Variants in PCDH19 observed in about 807,000 individuals in gnomAD.
PCDH19 encodes protocadherin 19.
A neutral mutation model predicts 46.2 loss-of-function variants in PCDH19; 6 were observed. The observed-to-expected ratio is 0.13, with a 90% CI of 0.07 to 0.26. The LOEUF (loss-of-function observed/expected upper bound fraction) is 0.26. Ranked by LOEUF, PCDH19 falls within the 10% of genes least tolerant of loss-of-function variation. The pLI, the probability that PCDH19 is intolerant of heterozygous loss-of-function variation, is 1.00. For missense variants in PCDH19, 740 were observed against 972.3 expected (o/e 0.76, Z 3.18); for synonymous variants, 481 against 415.7 (o/e 1.16, Z -1.91).
intron 3 of PCDH19, among the ~76,000 whole-genome samples, chrX:100,399,979 C>T (rs900746915): frequency 1.1e-4 from 10 of 94,192 alleles, no homozygotes; most frequent in Non-Finnish European, 1.6e-4. Flanking sequence ...AATCAGATGT[C>T]GTCATATGTT....
chrX:100,319,488 C>T (rs1925410125), intron 5 of PCDH19, among the ~76,000 whole-genome samples: 1 of 111,888 alleles, frequency 8.9e-6, no homozygotes, highest in Admixed American at 9.4e-5. Flanking sequence ...CATTGAGGAT[C>T]TTCTTATCTG....
rs1928498903 is a variant in PCDH19 at position 100,408,804 on chromosome X, C to A, written c.-207G>T. 1 of 136,092 alleles carries A rather than the reference C, an allele frequency of 7.3e-6. No homozygotes were observed. Among genetic ancestry groups the A allele is most frequent in the South Asian group, 3.4e-4 (1 of 2,937 alleles). The allele number at this position is 136,092 out of a possible 1,213,427, so 11.2% of individuals were successfully genotyped here. On this transcript the variant is annotated 5_prime_UTR_variant, in exon 1 of 6. Coordinates refer to ENST00000373034, the MANE Select transcript of PCDH19 (RefSeq NM_001184880.2). Reference sequence around the variant, plus strand: ...AATGCTGAGGTTGCGGCGGACGCGGCGGGGGCTCGCGGGGGCCCCGGGGGC... The same window carrying A: ...AATGCTGAGGTTGCGGCGGACGCGGAGGGGGCTCGCGGGGGCCCCGGGGGC...
In PCDH19 at chrX:100,294,778, G is replaced by T; in HGVS notation, c.*1499C>A. ...TCTTAGGCTGCAAAAATACTATGTT[G>T]GCTAGTGAATATTAATAGACAAAAG... On this transcript the variant is annotated 3_prime_UTR_variant, in exon 6 of 6. Coordinates refer to ENST00000373034, the MANE Select transcript of PCDH19 (RefSeq NM_001184880.2). The T allele has an allele frequency of 9.0e-6, 1 of 111,660 alleles. No homozygotes were observed. The highest frequency in any genetic ancestry group is 1.9e-5 in the Non-Finnish European group (1 of 53,061). The allele number at this position is 111,660 out of a possible 1,213,427, so 9.2% of individuals were successfully genotyped here.
intron 3 of PCDH19, among the ~76,000 whole-genome samples, chrX:100,391,616 T>C (rs1435383069): frequency 8.9e-6 from 1 of 111,853 alleles, no homozygotes; most frequent in Non-Finnish European, 1.9e-5. Flanking sequence ...CTGCAAACAT[T>C]CACACATTTA....
At position 100,363,744 on chromosome X, in the gene PCDH19, A is replaced by AAT. The variant is rs1408559805; in HGVS notation, c.2617-13042_2617-13041dup. 6.3e-4 allele frequency among the ~76,000 whole-genome samples: 63 copies of AAT among 99,720 alleles called. 2 individuals carry two copies. In the East Asian group the frequency reaches 0.017, roughly 26 times the overall value. The allele number at this position is 99,720 out of a possible 115,157, so 86.6% of individuals were successfully genotyped here. A position where few individuals can be genotyped will look rare whatever the true frequency, so the allele number is the denominator to read the frequency against. Reference sequence around the variant, plus strand: ...ATATATTTATTTTATATATATAAATAATATATATATAAAATAAATATATTA... The same window carrying AAT: ...ATATATTTATTTTATATATATAAATAATATATATATATAAAATAAATATATTA... On this transcript the variant is annotated intron_variant, in intron 3 of 5. Transcript: ENST00000373034.
chrX:100,300,913 C>CAAAA (rs373692507), intron 5 of PCDH19, among the ~76,000 whole-genome samples: 5 of 83,300 alleles, frequency 6.0e-5, no homozygotes, highest in Non-Finnish European at 9.0e-5. Flanking sequence ...AACCCCTGGC[C>CAAAA]AAAAAAAAAA....
At chrX:100,313,059 T>C (rs1479463936) in intron 5 of PCDH19, among the ~76,000 whole-genome samples, 2 of 111,485 alleles carry the variant, frequency 1.8e-5, no homozygotes, top group Non-Finnish European at 3.8e-5. Flanking sequence ...TAAGATGCAT[T>C]TTCATTCACA....
intron 5 of PCDH19, among the ~76,000 whole-genome samples, chrX:100,340,411 C>T (rs1200878833): frequency 8.9e-6 from 1 of 112,233 alleles, no homozygotes; most frequent in Non-Finnish European, 1.9e-5. Flanking sequence ...GAGCATCTAA[C>T]TAAAACCCTT....
intron 3 of PCDH19, among the ~76,000 whole-genome samples, chrX:100,367,087 A>G (rs1406091727): frequency 8.9e-6 from 1 of 112,773 alleles, no homozygotes; most frequent in African/African-American, 3.2e-5. Flanking sequence ...AAAACAGATC[A>G]TTCAGAGGCT....
At chrX:100,329,500 T>G (rs774589649) in intron 5 of PCDH19, among the ~76,000 whole-genome samples, 2 of 112,685 alleles carry the variant, frequency 1.8e-5, no homozygotes, top group Non-Finnish European at 3.7e-5. Flanking sequence ...TATAGATTTG[T>G]GTTCTGACAT....
intron 5 of PCDH19, among the ~76,000 whole-genome samples, chrX:100,307,879 G>GA (rs1228409009): frequency 9.1e-6 from 1 of 110,408 alleles, no homozygotes; most frequent in African/African-American, 3.3e-5. Flanking sequence ...AAACACTGCT[G>GA]AAAAAAATTA....
chrX:100,311,159 C>T (rs1336213295), intron 5 of PCDH19, among the ~76,000 whole-genome samples: 4 of 111,349 alleles, frequency 3.6e-5, no homozygotes, highest in African/African-American at 1.3e-4. Context: ...GAGCCTATCA[C>T]ACTTAAAAAA....
Position 100,406,636 on chromosome X carries a change from G to C in PCDH19, c.1962C>G (p.Ala654=), listed in dbSNP as rs759032566. The C allele has an allele frequency of 3.3e-6, 4 of 1,209,821 alleles. No individual in the cohort carries two copies. Among genetic ancestry groups the C allele is most frequent in the Admixed American group, 4.4e-5 (2 of 45,787 alleles). ...AHDHGKTSLS[A]SALVLIYLSP... ...ACAAGTAGATTAGGACGAGAGCAGA[G>C]GCAGAGAGAGATGTCTTGCCGTGGT... The change falls in exon 1 of 6, where the codon GCC becomes GCG. Residue 654 remains alanine, a synonymous_variant. Coordinates refer to ENST00000373034, the MANE Select transcript of PCDH19 (RefSeq NM_001184880.2).
At chrX:100,347,906 T>TA (rs1194086872) in intron 4 of PCDH19, among the ~76,000 whole-genome samples, 46 of 97,529 alleles carry the variant, frequency 4.7e-4, no homozygotes, top group East Asian at 1.6e-3. Flanking sequence ...CTACTAAAAA[T>TA]AAAAAAAAAA....
chrX:100,333,183 GAGAA>G (rs755008766), intron 5 of PCDH19, among the ~76,000 whole-genome samples: 724 of 43,232 alleles, frequency 0.017, 16 homozygotes, highest in South Asian at 0.051. Flanking sequence ...GGGAGAGAGA[GAGAA>G]AGAAAGAAAG....
chrX:100,384,394 A>C, intron 3 of PCDH19, among the ~76,000 whole-genome samples: 1 of 111,078 alleles, frequency 9.0e-6, no homozygotes, highest in Middle Eastern at 4.7e-3. Flanking sequence ...CTATGAAACT[A>C]ATAATTCTCC....
intron 3 of PCDH19, among the ~76,000 whole-genome samples, chrX:100,378,193 T>C (rs1331229600): frequency 8.9e-6 from 1 of 112,633 alleles, no homozygotes; most frequent in Non-Finnish European, 1.9e-5. Flanking sequence ...TACCACTTGC[T>C]CCATCAGAAA....
In PCDH19 at chrX:100,321,455, G is replaced by A. The variant is rs191430428; in HGVS notation, c.2848+20448C>T. On this transcript the variant is annotated intron_variant, in intron 5 of 5. Transcript: ENST00000373034. ...TACTGTTTTTTGACTTTTTGATTAT[G>A]GCCATTCTTGCAGGAGTAAGGTGGT... 3.1e-4 allele frequency among the ~76,000 whole-genome samples: 35 copies of A among 111,740 alleles called. 1 individual carries two copies. The highest frequency in any genetic ancestry group is 1.1e-3 in the African/African-American group (35 of 30,792).
At chrX:100,400,958 T>C (rs1602631294) in intron 3 of PCDH19, among the ~76,000 whole-genome samples, 1 of 111,279 alleles carries the variant, frequency 9.0e-6, no homozygotes, top group East Asian at 2.8e-4. Context: ...TTCAGTCTCG[T>C]CCTCCCTCTC....
Sources: allele counts gnomAD v4.1 joint callset (sites outside exome capture counted in the v4.1 genomes callset), GRCh38; gene constraint gnomAD v4.1.1; transcripts MANE v1.5; gene names NCBI Gene and HGNC (gene_info 2026-07-23, HGNC 2026-07-21).